AVEN: variants seen among roughly 807,000 people sequenced by gnomAD.
The protein encoded by AVEN is cell death regulator Aven.
In AVEN, 41 loss-of-function variants were observed where a neutral mutation model predicts 38.1. The ratio of observed to expected loss-of-function variants is 1.08; its 90% confidence interval spans 0.84 to 1.40. AVEN has a LOEUF of 1.40. Ranked by LOEUF, AVEN falls within the 40% of genes most tolerant of loss-of-function variation. The pLI, the probability that AVEN is intolerant of heterozygous loss-of-function variation, is 0.00. For synonymous variants in AVEN, 206 were observed against 171.8 expected (o/e 1.20, Z -1.56); for missense variants, 605 against 438.8 (o/e 1.38, Z -3.38).
At chr15:34,037,126 T>G (rs11856633) in intron 1 of AVEN, among the ~76,000 whole-genome samples, 22,216 of 135,598 alleles carry the variant, frequency 0.16, 2,071 homozygotes, top group Middle Eastern at 0.28. Flanking sequence ...AAAAAAAAAA[T>G]ATATACCATC....
intron 5 of AVEN, among the ~76,000 whole-genome samples, chr15:34,060,071 A>T (rs1376553141): frequency 6.6e-6 from 1 of 152,240 alleles, no homozygotes; most frequent in Non-Finnish European, 1.5e-5. Flanking sequence ...CCATTGGAAG[A>T]TAATCTGTGA....
chr15:34,022,566 T>A (rs1261999103), intron 1 of AVEN, among the ~76,000 whole-genome samples: 1 of 152,196 alleles, frequency 6.6e-6, no homozygotes, highest in African/African-American at 2.4e-5. Context: ...ACACAAACTT[T>A]GAGGCTGGGC....
chr15:33,904,901 G>A (rs933874289), intron 2 of AVEN, among the ~76,000 whole-genome samples: 7 of 151,664 alleles, frequency 4.6e-5, no homozygotes, highest in African/African-American at 1.2e-4. Context: ...AGGCCGAGGC[G>A]GGTGGATCAC....
chr15:33,924,144 C>T (rs952729378), intron 2 of AVEN, among the ~76,000 whole-genome samples: 1 of 151,876 alleles, frequency 6.6e-6, no homozygotes, highest in Admixed American at 6.6e-5. Flanking sequence ...GGTTGGGGAC[C>T]ACTAATGCAT....
At chr15:34,010,277 A>G (rs1009933746) in intron 1 of AVEN, among the ~76,000 whole-genome samples, 8 of 152,338 alleles carry the variant, frequency 5.3e-5, no homozygotes, top group African/African-American at 1.7e-4. Flanking sequence ...TATGAACAGT[A>G]TATTTGGACA....
exon 3 of AVEN, chr15:34,066,775 A>G (rs1488590748): frequency 6.6e-6 from 1 of 151,458 alleles, no homozygotes; most frequent in Non-Finnish European, 1.5e-5. Context: ...TGATCACACT[A>G]CTGCATTCCA....
the AVEN span, chr15:33,853,562 A>G: frequency 1.9e-6 from 3 of 1,613,608 alleles, no homozygotes; most frequent in Non-Finnish European, 1.7e-6. Flanking sequence ...CAGGTGATCA[A>G]CAAGTATGGA....
chr15:33,912,822 T>C (rs1892964368), intron 2 of AVEN, among the ~76,000 whole-genome samples: 1 of 152,134 alleles, frequency 6.6e-6, no homozygotes, highest in South Asian at 2.1e-4. Flanking sequence ...GAATTTTCAT[T>C]AGTAAATCTA....
chr15:33,923,254 C>T (rs1231650155), intron 2 of AVEN, among the ~76,000 whole-genome samples: 1 of 152,092 alleles, frequency 6.6e-6, no homozygotes, highest in Non-Finnish European at 1.5e-5. Context: ...CATTGTTTTA[C>T]AAATTACAAA....
At chr15:33,860,483 C>T (rs1887774030) in intron 11 of AVEN, 2 of 595,886 alleles carry the variant, frequency 3.4e-6, no homozygotes, top group Admixed American at 6.8e-5. Context: ...TCTAATTTTG[C>T]TTTGATAATT....
chr15:34,024,495 A>C (rs1014067506), intron 1 of AVEN, among the ~76,000 whole-genome samples: 1 of 142,838 alleles, frequency 7.0e-6, no homozygotes, highest in African/African-American at 2.5e-5. Context: ...AAAAAAAAAG[A>C]AGCACTTTGC....
chr15:33,879,694 C>T (rs551577100), intron 2 of AVEN, among the ~76,000 whole-genome samples: 1 of 152,168 alleles, frequency 6.6e-6, no homozygotes, highest in African/African-American at 2.4e-5. Flanking sequence ...ATGTGAAATC[C>T]TACGGAATTG....
chr15:33,945,605 G>T (rs903012719), intron 2 of AVEN, among the ~76,000 whole-genome samples: 1 of 151,360 alleles, frequency 6.6e-6, no homozygotes, highest in South Asian at 2.1e-4. Context: ...GTTTTTTTTT[G>T]AAATGGAGTC....
At chr15:33,899,698 C>T (rs1357294128) in intron 2 of AVEN, among the ~76,000 whole-genome samples, 1 of 151,972 alleles carries the variant, frequency 6.6e-6, no homozygotes, top group African/African-American at 2.4e-5. Flanking sequence ...AGTCTCTTGA[C>T]CTCGTGATCC....
intron 2 of AVEN, among the ~76,000 whole-genome samples, chr15:33,904,694 A>AATATAT (rs1223406628): frequency 2.7e-5 from 3 of 112,744 alleles, no homozygotes; most frequent in African/African-American, 5.8e-5. Context: ...AAAAAAAAAA[A>AATATAT]ATATATATAT....
Position 34,038,768 on chromosome 15 carries a change from G to A in AVEN, c.267+12C>T, listed in dbSNP as rs1433756811. 4 of 1,166,862 alleles carry A rather than the reference G, an allele frequency of 3.4e-6. No homozygotes were observed. The Admixed American group carries it at 1.4e-4, about 41-fold the overall frequency. The allele number at this position is 1,166,862 out of a possible 1,614,324, so 72.3% of individuals were successfully genotyped here. On this transcript the variant is annotated intron_variant, in intron 1 of 5. Transcript: ENST00000306730. ...ACACGCGGTCCCAGCCCCACCAGCC[G>A]TCGCCTCTTACCGGCGCGCTGGCCC... is the stretch of plus-strand genomic sequence containing the variant.
intron 11 of AVEN, chr15:33,859,793 C>T: frequency 2.0e-6 from 3 of 1,489,874 alleles, no homozygotes; most frequent in African/African-American, 2.8e-5. Context: ...TGCTTTCTTC[C>T]ATCTATGACT....
downstream of AVEN, among the ~76,000 whole-genome samples, chr15:33,853,939 A>G (rs1010922468): frequency 3.3e-5 from 5 of 152,116 alleles, no homozygotes; most frequent in African/African-American, 1.2e-4. Flanking sequence ...CATACCTGTA[A>G]TCCCAGCACT....
chr15:33,971,335 A>G (rs979704504), intron 2 of AVEN, among the ~76,000 whole-genome samples: 1 of 152,102 alleles, frequency 6.6e-6, no homozygotes, highest in Admixed American at 6.5e-5. Flanking sequence ...GTGTATCATT[A>G]GTTCCTTTCA....
Sources: allele counts gnomAD v4.1 joint callset (sites outside exome capture counted in the v4.1 genomes callset), GRCh38; gene constraint gnomAD v4.1.1; transcripts MANE v1.5; gene names NCBI Gene and HGNC (gene_info 2026-07-23, HGNC 2026-07-21).